Variants in ITGAM observed in about 807,000 individuals in gnomAD.
ITGAM encodes integrin alpha-M.
A neutral mutation model predicts 137.5 loss-of-function variants in ITGAM; 79 were observed. That is an observed-to-expected ratio of 0.57 (90% CI 0.48 to 0.69). The LOEUF is 0.69. Among genes scored for constraint, ITGAM ranks in the 30% least tolerant of loss-of-function variants. The pLI, the probability that ITGAM is intolerant of heterozygous loss-of-function variation, is 0.00. For missense variants in ITGAM, 1,343 were observed against 1,483.5 expected, an observed-to-expected ratio of 0.91 and a Z score of 1.56; for synonymous variants, 583 against 592.3, an observed-to-expected ratio of 0.98 and a Z score of 0.23.
intron 2 of ITGAM, among the ~76,000 whole-genome samples, chr16:31,263,918 C>G (rs2079734197): frequency 6.6e-6 from 1 of 151,568 alleles, no homozygotes; most frequent in Admixed American, 6.6e-5. Flanking sequence ...TCACTGCAAC[C>G]TCTGCCTCCT....
intron 12 of ITGAM, among the ~76,000 whole-genome samples, chr16:31,291,148 C>T (rs763072114): frequency 1.4e-4 from 22 of 152,080 alleles, no homozygotes; most frequent in Non-Finnish European, 2.4e-4. Flanking sequence ...GTCAATTCTC[C>T]CTGGGTTGAT....
In ITGAM at chr16:31,329,883, G is replaced by A. The variant is rs375032701; in HGVS notation, c.2954G>A (p.Arg985His). 118 of 1,562,326 alleles carry A rather than the reference G, an allele frequency of 7.6e-5. No individual in the cohort carries two copies. The highest frequency in any genetic ancestry group is 1.0e-4 in the Non-Finnish European group (115 of 1,153,276). The change falls in exon 25 of 30, where the codon CGC (arginine) becomes CAC (histidine). Residue 985 changes from arginine to histidine, a missense_variant. Arg to His is a conservative substitution (Grantham distance 29). Transcript: ENST00000544665. The part of the protein sequence containing the change: ...VRLNQTVIWD[R>H]PQVTFSENLS... Reference sequence around the variant, plus strand: ...CTGAACCAGACTGTCATATGGGACCGCCCCCAGGTCACCTTCTCCGAGGTG... The same window carrying A: ...CTGAACCAGACTGTCATATGGGACCACCCCCAGGTCACCTTCTCCGAGGTG...
intron 5 of ITGAM, among the ~76,000 whole-genome samples, chr16:31,270,645 C>G (rs1212118064): frequency 7.2e-6 from 1 of 138,546 alleles, no homozygotes; most frequent in Non-Finnish European, 1.5e-5. Context: ...TCCTGAGTAG[C>G]TGGGACTACA....
chr16:31,264,985 A>G (rs914944076), intron 2 of ITGAM, among the ~76,000 whole-genome samples: 11 of 152,124 alleles, frequency 7.2e-5, no homozygotes, highest in African/African-American at 2.7e-4. Context: ...CTCTTGCCTC[A>G]GCCTCCCATT....
chr16:31,317,650 G>A (rs2080406056), intron 14 of ITGAM, among the ~76,000 whole-genome samples: 1 of 152,104 alleles, frequency 6.6e-6, no homozygotes, highest in Non-Finnish European at 1.5e-5. Flanking sequence ...TTTATTAAAT[G>A]CTTTCTTTTC....
Position 31,324,183 on chromosome 16 carries a change from G to A in ITGAM, c.2003-216G>A. 6.7e-6 allele frequency among the ~76,000 whole-genome samples: 1 copy of A among 148,444 alleles called. No homozygotes were observed. On this transcript the variant is annotated intron_variant, in intron 16 of 29. Coordinates refer to ENST00000544665, the MANE Select transcript of ITGAM (RefSeq NM_000632.4). This position sits in a 1 kb window ranked among gnomAD's most constrained non-coding sequence, Gnocchi z 4.5. ...AAGGAAGAAAAGGAAGGAAGGAAAG[G>A]AAAGGAAAAAAGGAAGGAAGGAAGG... is the stretch of plus-strand genomic sequence containing the variant.
intron 5 of ITGAM, among the ~76,000 whole-genome samples, chr16:31,270,732 TATATATA>T (rs1257408890): frequency 2.7e-5 from 3 of 112,444 alleles, no homozygotes; most frequent in Admixed American, 8.6e-5. Context: ...TATATATATA[TATATATA>T]TATATGTTTT....
At chr16:31,312,262 G>A (rs1050578261) in intron 14 of ITGAM, among the ~76,000 whole-genome samples, 3 of 151,864 alleles carry the variant, frequency 2.0e-5, no homozygotes, top group Non-Finnish European at 4.4e-5. Flanking sequence ...TTGTGCATGT[G>A]TACCCTAAAA....
chr16:31,260,025 C>A lies in ITGAM; in HGVS notation c.-40C>A. ...GTGGTTCCTCAGTGGTGCCTGCAAC[C>A]CCTGGTTCACCTCCTTCCAGGTTCT... On this transcript the variant is annotated 5_prime_UTR_variant, in exon 1 of 30. Transcript: ENST00000544665. 2 of 1,569,950 alleles carry A rather than the reference C, an allele frequency of 1.3e-6. No homozygotes were observed. The highest frequency in any genetic ancestry group is 2.3e-5 in the East Asian group (1 of 43,442).
At chr16:31,312,583 T>C (rs2080345876) in intron 14 of ITGAM, among the ~76,000 whole-genome samples, 1 of 152,044 alleles carries the variant, frequency 6.6e-6, no homozygotes, top group Non-Finnish European at 1.5e-5. Flanking sequence ...TATGCCACCA[T>C]ACCTGGCTAA....
chr16:31,301,415 T>G (rs1406242224), intron 14 of ITGAM, among the ~76,000 whole-genome samples: 1 of 152,232 alleles, frequency 6.6e-6, no homozygotes, highest in East Asian at 1.9e-4. Flanking sequence ...TCTGTTCCAT[T>G]TGTCTATATG....
chr16:31,280,300 G>A (rs1017635847), intron 12 of ITGAM, among the ~76,000 whole-genome samples: 4 of 152,138 alleles, frequency 2.6e-5, no homozygotes, highest in African/African-American at 9.7e-5. Flanking sequence ...TGATGGGGAA[G>A]GCATTGAATC....
In ITGAM at chr16:31,331,799, C is replaced by T. The variant is rs1258997976; in HGVS notation, c.*92C>T. ...CCAGGCTGCTGGACACGTCGGACAGCGAAGTATCCCCGACAGGACGGGCTT... is the reference window on the plus strand; with the variant it reads ...CCAGGCTGCTGGACACGTCGGACAGTGAAGTATCCCCGACAGGACGGGCTT... On this transcript the variant is annotated 3_prime_UTR_variant, in exon 30 of 30. Coordinates refer to ENST00000544665, the MANE Select transcript of ITGAM (RefSeq NM_000632.4). 2.1e-6 allele frequency: 2 copies of T among 974,634 alleles called. No homozygotes were observed. The highest frequency in any genetic ancestry group is 1.5e-6 in the Non-Finnish European group (1 of 655,192). The allele number at this position is 974,634 out of a possible 1,614,324, so 60.4% of individuals were successfully genotyped here.
chr16:31,321,500 G>A lies in ITGAM; in HGVS notation c.1875G>A (p.Glu625=). The A allele has an allele frequency of 6.2e-7, 1 of 1,614,036 alleles. No homozygotes were observed. The highest frequency in any genetic ancestry group is 8.5e-7 in the Non-Finnish European group (1 of 1,179,898). The change falls in exon 16 of 30, where the codon GAG becomes GAA. Residue 625 remains glutamate (E), a synonymous_variant. Transcript: ENST00000544665. ...TACTGAGAGTCAAGGCAATCATGGA[G>A]TTCAATCCCAGGGAAGTGGCAAGGA... is the stretch of plus-strand genomic sequence containing the variant. ...QPVLRVKAIM[E]FNPREVARNV... is the part of the protein sequence containing the mutation.
chr16:31,321,275 A>G lies in ITGAM; in HGVS notation c.1742A>G (p.Gln581Arg), dbSNP rs747656862. The G allele has an allele frequency of 1.7e-5, 28 of 1,613,852 alleles. No individual in the cohort carries two copies. The South Asian group carries it at 2.4e-4, about 14-fold the overall frequency. ...GGCTCCAAGCTCTCTCCCAGGCTCCAGTATTTTGGTCAGTCACTGAGTGGG... is the reference window on the plus strand; with the variant it reads ...GGCTCCAAGCTCTCTCCCAGGCTCCGGTATTTTGGTCAGTCACTGAGTGGG... Reference protein sequence around the residue: ...IAGSKLSPRLQYFGQSLSGGQ... With the variant: ...IAGSKLSPRLRYFGQSLSGGQ... The change falls in exon 15 of 30, where the codon CAG becomes CGG. Residue 581 changes from glutamine to arginine, a missense_variant. Coordinates refer to ENST00000544665, the MANE Select transcript of ITGAM (RefSeq NM_000632.4).
intron 14 of ITGAM, among the ~76,000 whole-genome samples, chr16:31,316,932 A>G (rs1452800139): frequency 6.6e-6 from 1 of 152,120 alleles, no homozygotes; most frequent in Non-Finnish European, 1.5e-5. Context: ...TAATTTTTGT[A>G]TGTTCATTTT....
intron 7 of ITGAM, among the ~76,000 whole-genome samples, chr16:31,272,451 ATATATATATATATTTTTTTT>A (rs2079857229): frequency 8.0e-5 from 1 of 12,518 alleles, no homozygotes; most frequent in African/African-American, 3.9e-4. Flanking sequence ...ATATATATAT[ATATATATATATATTTTTTTT>A]TTTTTTTTTT....
At chr16:31,321,208 C>T in intron 14 of ITGAM, 33 bp from the exon 15 acceptor site, 6 of 1,612,270 alleles carry the variant, frequency 3.7e-6, no homozygotes, top group Non-Finnish European at 4.2e-6. Flanking sequence ...TTTCCTACCC[C>T]TTTCTCTCTC....
intron 14 of ITGAM, among the ~76,000 whole-genome samples, chr16:31,301,466 A>G (rs1048433598): frequency 2.0e-5 from 3 of 152,164 alleles, no homozygotes; most frequent in Non-Finnish European, 1.5e-5. Flanking sequence ...AAGTACTATA[A>G]CTTTGTCATT....
Sources: gnomAD v4.1 joint callset for allele counts (sites outside exome capture counted in the v4.1 genomes callset) on GRCh38, gnomAD v4.1.1 for gene constraint, Gnocchi (gnomAD v3.1) non-coding constraint, MANE v1.5 for transcripts, NCBI Gene and HGNC (gene_info 2026-07-23, HGNC 2026-07-21) for gene names.